Variants in PHF14 observed in about 807,000 individuals in gnomAD.
The protein encoded by PHF14 is PHD finger protein 14.
Under a neutral mutation model 117.9 loss-of-function variants are expected in PHF14, and 55 were observed. The observed-to-expected ratio is 0.47, with a 90% CI of 0.38 to 0.58. The LOEUF (loss-of-function observed/expected upper bound fraction) is 0.58. PHF14 is among the 20% of genes least tolerant of loss of function. The probability of loss-of-function intolerance (pLI) is 0.00; values close to 1 mark genes in which losing one functional copy is unlikely to be tolerated. For missense variants in PHF14, 978 were observed against 1,122.2 expected, an observed-to-expected ratio of 0.87 and a Z score of 1.84; for synonymous variants, 409 against 368.6, an observed-to-expected ratio of 1.11 and a Z score of -1.26.
At chr7:11,006,450 C>G (rs1171767237) in intron 4 of PHF14, 3 of 533,770 alleles carry the variant, frequency 5.6e-6, no homozygotes, top group African/African-American at 3.8e-5. Context: ...AATCAGGAGC[C>G]AGTCGAACAT....
intron 16 of PHF14, among the ~76,000 whole-genome samples, chr7:11,098,016 A>G (rs1028486887): frequency 6.6e-6 from 1 of 152,156 alleles, no homozygotes. Flanking sequence ...TCCTTTAAAA[A>G]AGTCTTTTTT....
Position 11,042,667 on chromosome 7 carries a change from C to G in PHF14, c.2181-16C>G. 1 of 1,536,842 alleles carries G rather than the reference C, an allele frequency of 6.5e-7. No homozygotes were observed. Among genetic ancestry groups the G allele is most frequent in the Non-Finnish European group, 8.8e-7 (1 of 1,134,868 alleles). ...TAATTATTATTGAAATCTTTACTTG[C>G]TGCCTTTATTAAAAGTTGTGGGATT... On this transcript the variant is annotated splice_polypyrimidine_tract_variant and intron_variant, in intron 12 of 17. Transcript: ENST00000634607.
chr7:10,989,063 C>T (rs1371835628), intron 3 of PHF14, among the ~76,000 whole-genome samples: 1 of 152,070 alleles, frequency 6.6e-6, no homozygotes, highest in Non-Finnish European at 1.5e-5. Context: ...TTGTCAGCCC[C>T]AGACCTATTT....
intron 17 of PHF14, among the ~76,000 whole-genome samples, chr7:11,161,280 G>A (rs575350527): frequency 3.0e-4 from 45 of 152,160 alleles, no homozygotes; most frequent in African/African-American, 9.4e-4. Flanking sequence ...GATACAATGA[G>A]TCGAGTGTTG....
chr7:11,101,537 A>G (rs1787092637), intron 16 of PHF14, among the ~76,000 whole-genome samples: 1 of 151,900 alleles, frequency 6.6e-6, no homozygotes, highest in African/African-American at 2.4e-5. Flanking sequence ...TTATATGTTG[A>G]TAAATACAAC....
chr7:11,043,179 T>G (rs898614248), intron 13 of PHF14, among the ~76,000 whole-genome samples: 1 of 152,064 alleles, frequency 6.6e-6, no homozygotes, highest in African/African-American at 2.4e-5. Flanking sequence ...TAATATTTTA[T>G]TTTTGGATTA....
At chr7:11,167,422 T>C (rs1789232958) in intron 17 of PHF14, among the ~76,000 whole-genome samples, 1 of 152,188 alleles carries the variant, frequency 6.6e-6, no homozygotes, top group Non-Finnish European at 1.5e-5. Flanking sequence ...AAGAACAATA[T>C]TGTGCTTTTC....
At chr7:11,122,352 T>TATATACACACACAC in intron 17 of PHF14, among the ~76,000 whole-genome samples, 3 of 65,868 alleles carry the variant, frequency 4.6e-5, no homozygotes, top group Admixed American at 3.5e-4. Context: ...TATATATATA[T>TATATACACACACAC]ACACACACAC....
chr7:11,038,539 T>C (rs1784389178), intron 10 of PHF14, among the ~76,000 whole-genome samples: 1 of 151,374 alleles, frequency 6.6e-6, no homozygotes, highest in South Asian at 2.1e-4. Flanking sequence ...ACACCTGTAG[T>C]CCCACCTACT....
chr7:11,068,427 C>T (rs113828326), intron 16 of PHF14, among the ~76,000 whole-genome samples: 3 of 148,542 alleles, frequency 2.0e-5, no homozygotes, highest in African/African-American at 7.4e-5. Flanking sequence ...GTAAAATAAA[C>T]CAGTTACAGA....
intron 16 of PHF14, chr7:11,106,319 T>C (rs1175821582): frequency 4.1e-6 from 4 of 978,126 alleles, no homozygotes; most frequent in Non-Finnish European, 1.2e-6. Context: ...TCATTCATTA[T>C]TGGCTGATAC....
intron 16 of PHF14, among the ~76,000 whole-genome samples, chr7:11,074,937 C>CTTTT (rs751367742): frequency 7.6e-6 from 1 of 132,428 alleles, no homozygotes. Context: ...TTTCAGATAT[C>CTTTT]TTTTTTTTTT....
At chr7:10,992,936 T>TA (rs199877911) in intron 4 of PHF14, among the ~76,000 whole-genome samples, 2,139 of 152,310 alleles carry the variant, frequency 0.014, 25 homozygotes, top group Non-Finnish European at 0.023. Context: ...CAGTTTTTTT[T>TA]ATTTTGGTTT....
At chr7:11,159,844 C>T (rs1203584552) in intron 17 of PHF14, among the ~76,000 whole-genome samples, 1 of 152,040 alleles carries the variant, frequency 6.6e-6, no homozygotes, top group African/African-American at 2.4e-5. Flanking sequence ...AAAGATATTC[C>T]TTTTTATTCA....
Position 11,022,928 on chromosome 7 carries a change from A to G in PHF14, c.1266A>G (p.Lys422=), listed in dbSNP as rs11549287. Residue 422 remains lysine, a synonymous_variant, in exon 6 of 18, where the codon AAA becomes AAG. Coordinates refer to ENST00000634607, the MANE Select transcript of PHF14 (RefSeq NM_001007157.2). ...GAGTAGCCTTTGGAGATATTGACAA[A>G]TTACGACCAGTAACACTAACGGAAA... ...VPGVAFGDID[K]LRPVTLTEMN... is the part of the protein sequence containing the mutation. The G allele has an allele frequency of 6.2e-7, 1 of 1,611,490 alleles. No homozygotes were observed. Among genetic ancestry groups the G allele is most frequent in the Non-Finnish European group, 8.5e-7 (1 of 1,178,350 alleles).
At chr7:11,006,794 T>A in intron 4 of PHF14, 1 of 805,712 alleles carries the variant, frequency 1.2e-6, no homozygotes, top group Middle Eastern at 3.1e-4. Context: ...CAACACTGCC[T>A]TCTTGGCCTT....
chr7:11,032,992 A>T (rs1784172459), intron 7 of PHF14, among the ~76,000 whole-genome samples: 1 of 152,170 alleles, frequency 6.6e-6, no homozygotes, highest in Non-Finnish European at 1.5e-5. Context: ...TAAAATTGAT[A>T]TTAAAATGGT....
chr7:11,117,422 A>G (rs960126428), intron 17 of PHF14, among the ~76,000 whole-genome samples: 4 of 151,858 alleles, frequency 2.6e-5, no homozygotes, highest in African/African-American at 4.8e-5. Flanking sequence ...TTCTAGAACT[A>G]CAAATGCGTG....
chr7:11,167,661 C>G (rs1459425378), intron 17 of PHF14, among the ~76,000 whole-genome samples: 1 of 152,184 alleles, frequency 6.6e-6, no homozygotes, highest in African/African-American at 2.4e-5. Context: ...TTAACACTTT[C>G]TAACAGTGTC....
Sources: gnomAD v4.1 joint callset for allele counts (sites outside exome capture counted in the v4.1 genomes callset) on GRCh38, gnomAD v4.1.1 for gene constraint, MANE v1.5 for transcripts, NCBI Gene and HGNC (gene_info 2026-07-23, HGNC 2026-07-21) for gene names.